Variants in ZNF536 observed in about 807,000 individuals in gnomAD.
ZNF536 encodes zinc finger protein 536.
In ZNF536, 13 loss-of-function variants were observed where a neutral mutation model predicts 84.5. The observed-to-expected ratio is 0.15, with a 90% confidence interval of 0.10 to 0.24. The LOEUF is 0.24. Among genes scored for constraint, ZNF536 ranks in the 10% least tolerant of loss-of-function variants. ZNF536 has a pLI of 1.00. For missense variants in ZNF536, 1,536 were observed against 1,747.5 expected (o/e 0.88, Z 2.16); for synonymous variants, 811 against 742.5 (o/e 1.09, Z -1.50).
chr19:30,600,664 C>T (rs191771366), intron 1 of ZNF536, among the ~76,000 whole-genome samples: 31 of 152,334 alleles, frequency 2.0e-4, no homozygotes, highest in Admixed American at 2.6e-4. Flanking sequence ...AGGACATAGC[C>T]TGGCCAGCAC....
At chr19:30,376,853 C>G (rs1478632510) in intron 1 of ZNF536, among the ~76,000 whole-genome samples, 1 of 152,234 alleles carries the variant, frequency 6.6e-6, no homozygotes, top group Non-Finnish European at 1.5e-5. Context: ...CCCGACCCCA[C>G]CCCCAGGCTA....
intron 1 of ZNF536, among the ~76,000 whole-genome samples, chr19:30,607,005 C>G (rs534381200): frequency 1.3e-5 from 2 of 152,096 alleles, no homozygotes; most frequent in Admixed American, 6.5e-5. Flanking sequence ...CTGGCTCTCA[C>G]GACCCCAGGC....
At chr19:30,243,066 A>T (rs907644526) in intron 1 of ZNF536, among the ~76,000 whole-genome samples, 1 of 152,210 alleles carries the variant, frequency 6.6e-6, no homozygotes, top group African/African-American at 2.4e-5. Context: ...CAAATGTATG[A>T]CTTTTATTAC....
intron 4 of ZNF536, chr19:30,555,877 C>A (rs1437315463): frequency 1.3e-5 from 2 of 152,190 alleles, no homozygotes; most frequent in Non-Finnish European, 2.9e-5. Flanking sequence ...TCCCAATCTG[C>A]CGAGTGTGTG....
rs573803936 is a variant in ZNF536, at chr19:30,515,144, C to T, written c.2171-19703C>T. 2.6e-5 allele frequency among the ~76,000 whole-genome samples: 4 copies of T among 152,092 alleles called. No individual in the cohort carries two copies. The South Asian group carries it at 6.2e-4, about 24-fold the overall frequency. The stretch of plus-strand genomic sequence containing the variant: ...GGGTGTGGTGACTCACACCTGTAGT[C>T]CCTGCTACTTGGGAGCCTGAGATGG... On this transcript the variant is annotated intron_variant, in intron 2 of 4. Coordinates refer to ENST00000355537, the MANE Select transcript of ZNF536 (RefSeq NM_014717.3).
chr19:30,644,633 T>C (rs1157499388), intron 1 of ZNF536, among the ~76,000 whole-genome samples: 1 of 152,196 alleles, frequency 6.6e-6, no homozygotes, highest in African/African-American at 2.4e-5. Context: ...TTTTTGTCCT[T>C]GCGATAGTTT....
At chr19:30,617,366 T>TTTTTTTTTTTTTTTTA (rs869281886) in intron 1 of ZNF536, among the ~76,000 whole-genome samples, 6 of 115,914 alleles carry the variant, frequency 5.2e-5, no homozygotes, top group Non-Finnish European at 1.1e-4. Flanking sequence ...TTTTTTTTTT[T>TTTTTTTTTTTTTTTTA]ATGAGATGGA....
At chr19:30,627,288 A>G (rs957578002) in intron 1 of ZNF536, among the ~76,000 whole-genome samples, 2 of 151,888 alleles carry the variant, frequency 1.3e-5, no homozygotes, top group African/African-American at 4.8e-5. Context: ...GAATGTAGGG[A>G]GACCCCATCT....
intron 1 of ZNF536, among the ~76,000 whole-genome samples, chr19:30,642,600 C>T (rs2049306307): frequency 6.6e-6 from 1 of 152,146 alleles, no homozygotes; most frequent in African/African-American, 2.4e-5. Flanking sequence ...CTCGGGCTGT[C>T]ATTACGGAGA....
intron 1 of ZNF536, among the ~76,000 whole-genome samples, chr19:30,272,969 G>A (rs1040400476): frequency 6.6e-6 from 1 of 152,080 alleles, no homozygotes; most frequent in Non-Finnish European, 1.5e-5. Context: ...CTGGAGTGCA[G>A]CAGCACAATC....
intron 1 of ZNF536, among the ~76,000 whole-genome samples, chr19:30,698,887 T>A (rs937689245): frequency 6.6e-6 from 1 of 152,210 alleles, no homozygotes; most frequent in African/African-American, 2.4e-5. Flanking sequence ...AGCTACAAAA[T>A]TATTTGGAAT....
At chr19:30,599,306 C>A (rs1332630275) in intron 1 of ZNF536, among the ~76,000 whole-genome samples, 6 of 124,180 alleles carry the variant, frequency 4.8e-5, no homozygotes, top group African/African-American at 1.2e-4. Context: ...CCCTTCATTT[C>A]TTTTTCCTTC....
chr19:30,532,862 T>C (rs1025850993), intron 2 of ZNF536, among the ~76,000 whole-genome samples: 3 of 152,220 alleles, frequency 2.0e-5, no homozygotes, highest in African/African-American at 4.8e-5. Context: ...ATTTGTCTGA[T>C]GGTGACTTTG....
At chr19:30,435,763 A>C (rs2051717782) in intron 1 of ZNF536, among the ~76,000 whole-genome samples, 1 of 152,036 alleles carries the variant, frequency 6.6e-6, no homozygotes, top group African/African-American at 2.4e-5. Flanking sequence ...AGGGATCCAG[A>C]CCAGAAGTCT....
intron 2 of ZNF536, among the ~76,000 whole-genome samples, chr19:30,476,159 G>C (rs1255636765): frequency 2.0e-5 from 3 of 152,148 alleles, no homozygotes; most frequent in Non-Finnish European, 2.9e-5. Context: ...CCTGGGGTTA[G>C]GGCTGGGGAC....
intron 2 of ZNF536, among the ~76,000 whole-genome samples, chr19:30,344,167 G>A (rs537048236): frequency 1.3e-5 from 2 of 151,692 alleles, no homozygotes; most frequent in Non-Finnish European, 2.9e-5. Context: ...AGGACAGCCA[G>A]TGGCCCACAC....
chr19:30,445,236 G>A lies in ZNF536; in HGVS notation c.1674G>A (p.Leu558=), dbSNP rs781240338. The A allele has an allele frequency of 4.3e-6, 7 of 1,614,202 alleles. No homozygotes were observed. In the East Asian group the frequency reaches 1.3e-4, roughly 31 times the overall value. ...ACACTTTGGCAAACGCCGGGGTTCT[G>A]TTTGATAAGGAGAAGCGGGAGTACG... ...HEDTLANAGV[L]FDKEKREYVL... The change falls in exon 2 of 5, where the codon CTG becomes CTA. Residue 558 remains leucine (L), a synonymous_variant. Transcript: ENST00000355537. This position sits in a 1 kb window ranked among gnomAD's most constrained non-coding sequence, Gnocchi z 4.5.
intron 2 of ZNF536, among the ~76,000 whole-genome samples, chr19:30,527,748 T>G (rs1230735808): frequency 6.6e-6 from 1 of 152,236 alleles, no homozygotes; most frequent in Non-Finnish European, 1.5e-5. Context: ...GATTGCTTTA[T>G]TTGAGTCTAT....
chr19:30,370,677 CA>C (rs1327785349), upstream of ZNF536, among the ~76,000 whole-genome samples: 1 of 152,124 alleles, frequency 6.6e-6, no homozygotes, highest in Non-Finnish European at 1.5e-5. Flanking sequence ...ATTATTACAT[CA>C]ATCATCAATA....
Sources: allele counts gnomAD v4.1 joint callset (sites outside exome capture counted in the v4.1 genomes callset), GRCh38; gene constraint gnomAD v4.1.1; non-coding constraint Gnocchi (gnomAD v3.1); transcripts MANE v1.5; gene names NCBI Gene and HGNC (gene_info 2026-07-23, HGNC 2026-07-21).